Variants in DPYD observed in about 807,000 individuals in gnomAD.
DPYD encodes the protein dihydropyrimidine dehydrogenase.
DPYD carries 109 observed loss-of-function variants against 116.2 expected under a neutral mutation model. The observed-to-expected ratio is 0.94, with a 90% CI of 0.80 to 1.10. The LOEUF (loss-of-function observed/expected upper bound fraction) is 1.10, where lower values mean the gene tolerates loss of function less well. DPYD is among the 50% of genes least tolerant of loss of function. DPYD has a pLI of 0.00. For synonymous variants in DPYD, 440 were observed against 432.0 expected, an observed-to-expected ratio of 1.02 and a Z score of -0.23; for missense variants, 1,302 against 1,254.5, an observed-to-expected ratio of 1.04 and a Z score of -0.57.
chr1:97,843,671 A>G (rs1233331732), intron 2 of DPYD, among the ~76,000 whole-genome samples: 1 of 152,222 alleles, frequency 6.6e-6, no homozygotes, highest in East Asian at 1.9e-4. Context: ...AATGTTCATT[A>G]ATTTAGTAAG....
intron 20 of DPYD, among the ~76,000 whole-genome samples, chr1:97,139,748 TCTC>T (rs1654075906): frequency 6.6e-6 from 1 of 152,308 alleles, no homozygotes; most frequent in Admixed American, 6.5e-5. Context: ...TGTTGGCAAA[TCTC>T]CTTCTTTCTA....
At chr1:97,529,789 C>G (rs1429729743) in intron 12 of DPYD, among the ~76,000 whole-genome samples, 3 of 113,078 alleles carry the variant, frequency 2.7e-5, no homozygotes, top group African/African-American at 4.4e-5. Context: ...TTCTCTTTTT[C>G]TTTTTTCCCT....
At chr1:97,301,278 A>ATCC (rs1666844647) in intron 18 of DPYD, among the ~76,000 whole-genome samples, 2 of 152,104 alleles carry the variant, frequency 1.3e-5, no homozygotes, top group Non-Finnish European at 2.9e-5. Context: ...ATACTGAAAA[A>ATCC]AATGTGTTCT....
chr1:97,837,340 T>C (rs1024589994), intron 2 of DPYD, among the ~76,000 whole-genome samples: 1 of 152,152 alleles, frequency 6.6e-6, no homozygotes, highest in African/African-American at 2.4e-5. Context: ...ATTTAGAAGG[T>C]TTACAATTAT....
At chr1:97,284,075 T>C (rs546864466) in intron 18 of DPYD, among the ~76,000 whole-genome samples, 3 of 152,302 alleles carry the variant, frequency 2.0e-5, no homozygotes, top group South Asian at 2.1e-4. Flanking sequence ...GAGATTTAAA[T>C]TAACTCTTCA....
At chr1:97,346,888 T>C (rs915816380) in intron 16 of DPYD, among the ~76,000 whole-genome samples, 1 of 152,026 alleles carries the variant, frequency 6.6e-6, no homozygotes, top group Non-Finnish European at 1.5e-5. Flanking sequence ...AGTTAATATA[T>C]GTTAAGTGCT....
chr1:97,518,259 A>G (rs1264418904), intron 12 of DPYD, among the ~76,000 whole-genome samples: 1 of 152,064 alleles, frequency 6.6e-6, no homozygotes, highest in African/African-American at 2.4e-5. Flanking sequence ...TCTTTTATTC[A>G]CAAAAGTGCT....
chr1:97,304,312 A>T (rs567765893), intron 18 of DPYD, among the ~76,000 whole-genome samples: 2 of 152,122 alleles, frequency 1.3e-5, no homozygotes, highest in African/African-American at 4.8e-5. Context: ...CTCCTGATAA[A>T]AGCGAGCTGT....
At chr1:97,775,987 T>C (rs74107712) in intron 3 of DPYD, among the ~76,000 whole-genome samples, 3,880 of 152,226 alleles carry the variant, frequency 0.025, 176 homozygotes, top group African/African-American at 0.089. Flanking sequence ...GGTGTATATA[T>C]GTATAGGCTA....
At chr1:97,124,726 C>T (rs922972532) in intron 20 of DPYD, among the ~76,000 whole-genome samples, 7 of 152,056 alleles carry the variant, frequency 4.6e-5, no homozygotes, top group African/African-American at 1.7e-4. Flanking sequence ...CTTTGCACAC[C>T]CCGGATGATC....
At chr1:97,706,065 A>G (rs1400218900) in intron 5 of DPYD, among the ~76,000 whole-genome samples, 1 of 152,008 alleles carries the variant, frequency 6.6e-6, no homozygotes, top group African/African-American at 2.4e-5. Context: ...TTTTTCAATA[A>G]GAAATGTATA....
intron 14 of DPYD, among the ~76,000 whole-genome samples, chr1:97,448,885 T>C (rs1676238589): frequency 6.6e-6 from 1 of 152,068 alleles, no homozygotes; most frequent in African/African-American, 2.4e-5. Flanking sequence ...TGTATTTTAT[T>C]TCAAGTTAGT....
At chr1:97,101,306 A>C (rs541505545) in intron 20 of DPYD, among the ~76,000 whole-genome samples, 1 of 152,102 alleles carries the variant, frequency 6.6e-6, no homozygotes, top group African/African-American at 2.4e-5. Context: ...TTTAAAAAAT[A>C]TGTTGTATAT....
chr1:97,529,297 T>A (rs567290377), intron 12 of DPYD, among the ~76,000 whole-genome samples: 1 of 152,164 alleles, frequency 6.6e-6, no homozygotes, highest in Non-Finnish European at 1.5e-5. Flanking sequence ...ATCAAGTGCA[T>A]TCTATACGGC....
chr1:97,731,937 T>C (rs547491156), intron 4 of DPYD, among the ~76,000 whole-genome samples: 120 of 152,158 alleles, frequency 7.9e-4, no homozygotes, highest in African/African-American at 2.8e-3. Context: ...AAAGCATATG[T>C]TTAAATTTGT....
At chr1:97,301,942 GA>G (rs1459990444) in intron 18 of DPYD, among the ~76,000 whole-genome samples, 4 of 151,752 alleles carry the variant, frequency 2.6e-5, no homozygotes, top group African/African-American at 4.8e-5. Flanking sequence ...ACTAAAACAA[GA>G]AAAAAAGAAA....
intron 18 of DPYD, among the ~76,000 whole-genome samples, chr1:97,282,963 C>T (rs561523094): frequency 6.6e-6 from 1 of 152,202 alleles, no homozygotes; most frequent in South Asian, 2.1e-4. Context: ...CAGTCCACTG[C>T]TGATGGGCAT....
chr1:97,369,177 G>A (rs1197877951), intron 16 of DPYD, among the ~76,000 whole-genome samples: 2 of 152,204 alleles, frequency 1.3e-5, no homozygotes, highest in South Asian at 2.1e-4. Context: ...TACAGAATTG[G>A]TTATAAAACA....
chr1:97,699,270 T>A lies in DPYD; in HGVS notation c.680+81A>T, dbSNP rs557749978. ...CATCTGTGAGCCTGAAGTTCCTATA[T>A]GATTATGAACCAACAATATTCATAA... On this transcript the variant is annotated intron_variant, in intron 6 of 22. Coordinates refer to ENST00000370192, the MANE Select transcript of DPYD (RefSeq NM_000110.4). 3 of 1,396,218 alleles carry A rather than the reference T, an allele frequency of 2.1e-6. No homozygotes were observed. The Admixed American group carries it at 5.1e-5, about 24-fold the overall frequency. 86.5% of individuals were successfully genotyped at this position (1,396,218 alleles called of 1,614,324 possible). A position where few individuals can be genotyped will look rare whatever the true frequency, so the allele number is the denominator to read the frequency against.
Sources: allele counts gnomAD v4.1 joint callset (sites outside exome capture counted in the v4.1 genomes callset), GRCh38; gene constraint gnomAD v4.1.1; transcripts MANE v1.5; gene names NCBI Gene and HGNC (gene_info 2026-07-23, HGNC 2026-07-21).